The following PARD3B variants were observed in gnomAD, a reference collection of about 807,000 sequenced individuals.
PARD3B encodes par-3 family cell polarity regulator beta, also known as partitioning defective 3 homolog B.
A neutral mutation model predicts 130.2 loss-of-function variants in PARD3B; 103 were observed. That is an observed-to-expected ratio of 0.79 (90% CI 0.67 to 0.93). The LOEUF (loss-of-function observed/expected upper bound fraction) is 0.93. PARD3B is among the 40% of genes least tolerant of loss of function. The probability of loss-of-function intolerance (pLI) is 0.00; values close to 1 mark genes in which losing one functional copy is unlikely to be tolerated. For missense variants in PARD3B, 1,609 were observed against 1,499.2 expected, an observed-to-expected ratio of 1.07 and a Z score of -1.21; for synonymous variants, 583 against 553.2, an observed-to-expected ratio of 1.05 and a Z score of -0.76.
chr2:204,573,231 A>G (rs1310311793), intron 1 of PARD3B, among the ~76,000 whole-genome samples: 2 of 152,208 alleles, frequency 1.3e-5, no homozygotes, highest in Admixed American at 6.5e-5. Flanking sequence ...TGTCCTTCTC[A>G]TAACTAGTTT....
At chr2:205,062,753 T>C (rs1700134424) in intron 4 of PARD3B, among the ~76,000 whole-genome samples, 1 of 152,120 alleles carries the variant, frequency 6.6e-6, no homozygotes, top group African/African-American at 2.4e-5. Context: ...TAATGTACAG[T>C]ATATTTTTGT....
chr2:205,204,214 C>T (rs1325591330), intron 15 of PARD3B, among the ~76,000 whole-genome samples: 1 of 152,272 alleles, frequency 6.6e-6, no homozygotes, highest in Admixed American at 6.5e-5. Flanking sequence ...TGATGATGAG[C>T]TTTTCTTCAT....
chr2:205,340,237 A>T (rs1443269360), intron 18 of PARD3B, among the ~76,000 whole-genome samples: 2 of 152,096 alleles, frequency 1.3e-5, no homozygotes, highest in African/African-American at 4.8e-5. Flanking sequence ...ATAAAGGTAT[A>T]AATGAAATAG....
intron 2 of PARD3B, among the ~76,000 whole-genome samples, chr2:204,940,892 A>G (rs749506060): frequency 6.7e-6 from 1 of 148,940 alleles, no homozygotes; most frequent in Non-Finnish European, 1.5e-5. Context: ...GGAGCTTGTT[A>G]TTTATTAGGA....
At chr2:204,785,846 G>A (rs2041989077) in intron 2 of PARD3B, among the ~76,000 whole-genome samples, 1 of 152,170 alleles carries the variant, frequency 6.6e-6, no homozygotes, top group Non-Finnish European at 1.5e-5. Flanking sequence ...GGGTGTGGTG[G>A]CTCACGCCTA....
intron 2 of PARD3B, among the ~76,000 whole-genome samples, chr2:204,809,486 C>T (rs1285621763): frequency 6.6e-6 from 1 of 152,042 alleles, no homozygotes; most frequent in Non-Finnish European, 1.5e-5. Flanking sequence ...CTTGAATCTT[C>T]TGCATAGAGT....
At position 204,546,114 on chromosome 2, in the gene PARD3B, G is replaced by C. The variant is rs1296015388; in HGVS notation, c.115G>C (p.Glu39Gln). 2.6e-5 allele frequency: 40 copies of C among 1,554,802 alleles called. No homozygotes were observed. Among genetic ancestry groups the C allele is most frequent in the Admixed American group, 2.5e-4 (13 of 52,002 alleles). ...QALQRYLKTR[E>Q]KGPGYWVKIH... Reference sequence around the variant, plus strand: ...GCTGCAGCGGTACCTGAAGACCCGGGAGAAGGTGAGCGCGGCGCGGAGGAG... The same window carrying C: ...GCTGCAGCGGTACCTGAAGACCCGGCAGAAGGTGAGCGCGGCGCGGAGGAG... The change falls in exon 1 of 23, where the codon GAG becomes CAG. Residue 39 changes from glutamate to glutamine, a missense_variant. Coordinates refer to ENST00000406610, the MANE Select transcript of PARD3B (RefSeq NM_001302769.2).
At chr2:204,865,214 T>G (rs2045360212) in intron 2 of PARD3B, among the ~76,000 whole-genome samples, 1 of 152,138 alleles carries the variant, frequency 6.6e-6, no homozygotes, top group Admixed American at 6.6e-5. Flanking sequence ...ACTGTGGAAA[T>G]TTCTTAAAGA....
chr2:204,852,705 T>C (rs1405281020), intron 2 of PARD3B, among the ~76,000 whole-genome samples: 2 of 152,200 alleles, frequency 1.3e-5, no homozygotes, highest in Non-Finnish European at 2.9e-5. Context: ...CCAGAGTGTC[T>C]TGTTTCTTAA....
chr2:204,577,228 A>G (rs2032308536), intron 1 of PARD3B, among the ~76,000 whole-genome samples: 1 of 152,258 alleles, frequency 6.6e-6, no homozygotes, highest in Admixed American at 6.5e-5. Context: ...GTTAAATGAT[A>G]TGATGATAGG....
intron 18 of PARD3B, among the ~76,000 whole-genome samples, chr2:205,303,662 C>A (rs568704609): frequency 6.6e-6 from 1 of 152,272 alleles, no homozygotes; most frequent in Non-Finnish European, 1.5e-5. Context: ...CATCCCACAC[C>A]AGCTCTGGGC....
At chr2:205,140,194 A>G (rs2032832722) in intron 10 of PARD3B, among the ~76,000 whole-genome samples, 1 of 152,174 alleles carries the variant, frequency 6.6e-6, no homozygotes, top group South Asian at 2.1e-4. Flanking sequence ...AAACAAATGC[A>G]GTTTCCTTCC....
At chr2:204,988,050 C>T (rs571401955) in intron 3 of PARD3B, among the ~76,000 whole-genome samples, 6 of 151,928 alleles carry the variant, frequency 3.9e-5, no homozygotes, top group Admixed American at 3.3e-4. Context: ...CAGTGGGGGT[C>T]ATCACATTGC....
chr2:205,217,844 ATGTGTG>A (rs747500423), intron 15 of PARD3B, among the ~76,000 whole-genome samples: 1,504 of 88,522 alleles, frequency 0.017, 73 homozygotes, highest in African/African-American at 0.062. Context: ...ATGTGTGTAT[ATGTGTG>A]TGTGTGTGTG....
chr2:205,245,009 T>C (rs1471410819), intron 15 of PARD3B, among the ~76,000 whole-genome samples: 6 of 152,326 alleles, frequency 3.9e-5, no homozygotes, highest in Non-Finnish European at 7.4e-5. Context: ...TTCAACTACA[T>C]ATATGAGGAG....
At chr2:205,084,156 TTCTG>T (rs1390594137) in intron 4 of PARD3B, among the ~76,000 whole-genome samples, 3 of 152,154 alleles carry the variant, frequency 2.0e-5, no homozygotes, top group Non-Finnish European at 2.9e-5. Flanking sequence ...TACACGTTGC[TTCTG>T]TCTATTATGA....
intron 1 of PARD3B, among the ~76,000 whole-genome samples, chr2:204,583,681 T>TG (rs1224251258): frequency 1.0e-4 from 15 of 149,664 alleles, no homozygotes; most frequent in African/African-American, 1.5e-4. Flanking sequence ...TACTAATGTG[T>TG]GAGGTGTCTG....
chr2:205,556,988 C>T (rs1266542899), intron 22 of PARD3B, among the ~76,000 whole-genome samples: 3 of 152,150 alleles, frequency 2.0e-5, no homozygotes, highest in African/African-American at 7.2e-5. Context: ...TCCACTCTTC[C>T]CATCTCAAGC....
intron 18 of PARD3B, among the ~76,000 whole-genome samples, chr2:205,385,516 C>T (rs867602466): frequency 3.9e-5 from 6 of 151,992 alleles, no homozygotes; most frequent in Non-Finnish European, 5.9e-5. Flanking sequence ...ACTGATAATC[C>T]GTATGTTCAG....
Sources: allele counts gnomAD v4.1 joint callset (sites outside exome capture counted in the v4.1 genomes callset), GRCh38; gene constraint gnomAD v4.1.1; transcripts MANE v1.5; gene names NCBI Gene and HGNC (gene_info 2026-07-23, HGNC 2026-07-21).